SFXN2: variants seen among roughly 807,000 people sequenced by gnomAD.
SFXN2 encodes sideroflexin-2.
SFXN2 carries 37 observed loss-of-function variants against 41.9 expected under a neutral mutation model. The ratio of observed to expected loss-of-function variants is 0.88; its 90% CI spans 0.68 to 1.16. The LOEUF (loss-of-function observed/expected upper bound fraction) is 1.16, where lower values mean the gene tolerates loss of function less well. SFXN2 is among the 50% of genes most tolerant of loss of function. The probability of loss-of-function intolerance (pLI) is 0.00; values close to 1 mark genes in which losing one functional copy is unlikely to be tolerated. For synonymous variants in SFXN2, 150 were observed against 156.7 expected (o/e 0.96, Z 0.32); for missense variants, 386 against 425.2 (o/e 0.91, Z 0.81).
intron 1 of SFXN2, among the ~76,000 whole-genome samples, chr10:102,724,782 G>A (rs1208194917): frequency 6.6e-6 from 1 of 151,926 alleles, no homozygotes; most frequent in Non-Finnish European, 1.5e-5. Flanking sequence ...AGAGTCCTTA[G>A]AATATTAACC....
At chr10:102,736,020 G>A in intron 11 of SFXN2, 111 bp downstream of exon 11, 2 of 1,066,352 alleles carry the variant, frequency 1.9e-6, no homozygotes, top group Non-Finnish European at 2.9e-6. Context: ...GGCAGCACCT[G>A]TCTGAGGACA....
intron 1 of SFXN2, among the ~76,000 whole-genome samples, chr10:102,717,155 G>A (rs1473406565): frequency 3.1e-5 from 4 of 127,044 alleles, no homozygotes; most frequent in African/African-American, 6.1e-5. Flanking sequence ...TTGTGGAGAC[G>A]GAGTCTCGCT....
chr10:102,727,236 A>G, intron 3 of SFXN2, 79 bp downstream of exon 3: 1 of 1,456,306 alleles, frequency 6.9e-7, no homozygotes, highest in Non-Finnish European at 9.3e-7. Flanking sequence ...GATAATAATA[A>G]TAGTTCTCTT....
In SFXN2 at chr10:102,743,105, C is replaced by G. The variant is rs1232013360; in HGVS notation, c.*5343C>G. 1 of 152,126 alleles carries G rather than the reference C, an allele frequency of 6.6e-6. No individual in the cohort carries two copies. The highest frequency in any genetic ancestry group is 1.5e-5 in the Non-Finnish European group (1 of 68,030). The allele number at this position is 152,126 out of a possible 1,614,324, so 9.4% of individuals were successfully genotyped here. A position where few individuals can be genotyped will look rare whatever the true frequency, so the allele number is the denominator to read the frequency against. On this transcript the variant is annotated 3_prime_UTR_variant, in exon 12 of 12. Coordinates refer to ENST00000369893, the MANE Select transcript of SFXN2 (RefSeq NM_178858.6). ...AGGACCGTGTTGGGAAGTTTGGACT[C>G]TCTATTCTGTAGGTAGATGAAGTAT...
rs959600026 is a variant in SFXN2 at position 102,740,464 on chromosome 10, C to G, written c.*2702C>G. The G allele has an allele frequency of 1.3e-5, 2 of 152,220 alleles. No homozygotes were observed. The highest frequency in any genetic ancestry group is 4.8e-5 in the African/African-American group (2 of 41,424). 9.4% of individuals were successfully genotyped at this position (152,220 alleles called of 1,614,324 possible). A position where few individuals can be genotyped will look rare whatever the true frequency, so the allele number is the denominator to read the frequency against. On this transcript the variant is annotated 3_prime_UTR_variant, in exon 12 of 12. Coordinates refer to ENST00000369893, the MANE Select transcript of SFXN2 (RefSeq NM_178858.6). ...CTCGAACTCATGGCCTCAAGTGATC[C>G]TCCTCCCTCAGCCTTCCAAAGTGTT... is the stretch of plus-strand genomic sequence containing the variant.
intron 1 of SFXN2, among the ~76,000 whole-genome samples, chr10:102,719,829 G>GA (rs1231513837): frequency 1.3e-5 from 2 of 151,774 alleles, no homozygotes; most frequent in Non-Finnish European, 2.9e-5. Context: ...CTATTTCCAA[G>GA]AAAAAAACAA....
In SFXN2 at chr10:102,729,827, T is replaced by A; in HGVS notation, c.593+19T>A. The A allele has an allele frequency of 6.2e-7, 1 of 1,613,356 alleles. No individual in the cohort carries two copies. Among genetic ancestry groups the A allele is most frequent in the Non-Finnish European group, 8.5e-7 (1 of 1,179,702 alleles). ...GACAGCAGTGAGTAAAGGCCCCTTTTTCTCCCTACAAACCACAAGATTAGC... is the reference window on the plus strand; with the variant it reads ...GACAGCAGTGAGTAAAGGCCCCTTTATCTCCCTACAAACCACAAGATTAGC... On this transcript the variant is annotated intron_variant, in intron 6 of 11. Coordinates refer to ENST00000369893, the MANE Select transcript of SFXN2 (RefSeq NM_178858.6).
intron 3 of SFXN2, 85 bp downstream of exon 3, chr10:102,727,242 C>T: frequency 7.1e-7 from 1 of 1,400,170 alleles, no homozygotes; most frequent in South Asian, 1.4e-5. Context: ...AATAATAGTT[C>T]TCTTGATTGG....
At chr10:102,727,224 A>C in intron 3 of SFXN2, 67 bp downstream of exon 3, 1 of 1,489,430 alleles carries the variant, frequency 6.7e-7, no homozygotes, top group Non-Finnish European at 9.1e-7. Flanking sequence ...GAGCCATACT[A>C]TGATAATAAT....
rs1842782545 is a variant in SFXN2 at position 102,741,475 on chromosome 10, A to G, written c.*3713A>G. The G allele has an allele frequency of 6.6e-6, 1 of 152,280 alleles. No homozygotes were observed. The highest frequency in any genetic ancestry group is 6.5e-5 in the Admixed American group (1 of 15,280). 9.4% of individuals were successfully genotyped at this position (152,280 alleles called of 1,614,324 possible). A position where few individuals can be genotyped will look rare whatever the true frequency, so the allele number is the denominator to read the frequency against. The stretch of plus-strand genomic sequence containing the variant: ...GGAAGGGAAGAAGAAGAGGTATAGA[A>G]GCTTCCTTTTGATCCAAGGTCTTTT... On this transcript the variant is annotated 3_prime_UTR_variant, in exon 12 of 12. Coordinates refer to ENST00000369893, the MANE Select transcript of SFXN2 (RefSeq NM_178858.6).
intron 1 of SFXN2, among the ~76,000 whole-genome samples, chr10:102,725,177 A>T (rs1440504394): frequency 6.6e-6 from 1 of 152,142 alleles, no homozygotes; most frequent in African/African-American, 2.4e-5. Flanking sequence ...ATGATACAGG[A>T]GCCCTGCTGG....
At chr10:102,717,800 C>A in intron 1 of SFXN2, 1 of 985,296 alleles carries the variant, frequency 1.0e-6, no homozygotes, top group Non-Finnish European at 1.2e-6. Context: ...AAATATTCTT[C>A]GAGGGCATGT....
In SFXN2 at chr10:102,741,054, A is replaced by T. The variant is rs913148646; in HGVS notation, c.*3292A>T. ...AAAGTGGTCACTCAAACTGCATCTC[A>T]GTCTCATTTTGTAACATCTCTCTTC... On this transcript the variant is annotated 3_prime_UTR_variant, in exon 12 of 12. Coordinates refer to ENST00000369893, the MANE Select transcript of SFXN2 (RefSeq NM_178858.6). 1.3e-5 allele frequency: 2 copies of T among 152,186 alleles called. No homozygotes were observed. Among genetic ancestry groups the T allele is most frequent in the African/African-American group, 4.8e-5 (2 of 41,436 alleles). 9.4% of individuals were successfully genotyped at this position (152,186 alleles called of 1,614,324 possible).
chr10:102,741,851 TG>T lies in SFXN2; in HGVS notation c.*4090del, dbSNP rs1168602161. The T allele has an allele frequency of 2.0e-5, 3 of 152,356 alleles. No individual in the cohort carries two copies. The East Asian group carries it at 5.8e-4, about 29-fold the overall frequency. The allele number at this position is 152,356 out of a possible 1,614,324, so 9.4% of individuals were successfully genotyped here. On this transcript the variant is annotated 3_prime_UTR_variant, in exon 12 of 12. Coordinates refer to ENST00000369893, the MANE Select transcript of SFXN2 (RefSeq NM_178858.6). ...TACTTCTCCTCTAAGGAGCTTGACT[TG>T]TGGAATGGATAAATTTCTAAGAAAC...
At chr10:102,718,115 A>G (rs2064445170) in intron 1 of SFXN2, among the ~76,000 whole-genome samples, 1 of 152,212 alleles carries the variant, frequency 6.6e-6, no homozygotes, top group Non-Finnish European at 1.5e-5. Context: ...TGTTTTATTT[A>G]AGACAGGGAC....
intron 6 of SFXN2, 142 bp from the exon 7 acceptor site, chr10:102,731,581 C>T: frequency 5.8e-6 from 4 of 689,590 alleles, no homozygotes; most frequent in Non-Finnish European, 1.1e-5. Flanking sequence ...TATTGGAGTG[C>T]AGAAGGAAGG....
intron 1 of SFXN2, among the ~76,000 whole-genome samples, chr10:102,722,439 C>A (rs1225798657): frequency 6.6e-6 from 1 of 152,184 alleles, no homozygotes; most frequent in African/African-American, 2.4e-5. Context: ...CTGTAATCAC[C>A]AAATACATTG....
intron 1 of SFXN2, among the ~76,000 whole-genome samples, chr10:102,723,122 A>G (rs1355564324): frequency 6.6e-6 from 1 of 151,652 alleles, no homozygotes; most frequent in East Asian, 1.9e-4. Context: ...TGGTAGAAAA[A>G]AAAATACAAA....
rs2778037 is a variant in SFXN2 at position 102,732,950 on chromosome 10, G to A, written c.771+42G>A. 3.4e-5 allele frequency: 54 copies of A among 1,609,864 alleles called. No individual in the cohort carries two copies. In the South Asian group the frequency reaches 4.6e-4, roughly 14 times the overall value. ...TTGGCATTTTCCCTGCCCAGAGTGC[G>A]TCCAGCCACATCTGTCCCTAGGGAT... On this transcript the variant is annotated intron_variant, in intron 9 of 11. Transcript: ENST00000369893.
Sources: gnomAD v4.1 joint callset for allele counts (sites outside exome capture counted in the v4.1 genomes callset) on GRCh38, gnomAD v4.1.1 for gene constraint, MANE v1.5 for transcripts, NCBI Gene and HGNC (gene_info 2026-07-23, HGNC 2026-07-21) for gene names.